Variants in SOX9 observed in about 807,000 individuals in gnomAD.
The protein encoded by SOX9 is SRY-box transcription factor 9.
A neutral mutation model predicts 44.8 loss-of-function variants in SOX9; 2 were observed. The observed-to-expected ratio is 0.04, with a 90% CI of 0.02 to 0.14. The LOEUF (loss-of-function observed/expected upper bound fraction) is 0.14. Among genes scored for constraint, SOX9 ranks in the 10% least tolerant of loss-of-function variants. SOX9 has a pLI of 1.00. For synonymous variants in SOX9, 381 were observed against 331.8 expected, an observed-to-expected ratio of 1.15 and a Z score of -1.61; for missense variants, 583 against 728.6, an observed-to-expected ratio of 0.80 and a Z score of 2.30.
Position 72,123,528 on chromosome 17 carries a change from T to C in SOX9, c.686-15T>C, listed in dbSNP as rs1439728896. 1 of 1,614,138 alleles carries C rather than the reference T, an allele frequency of 6.2e-7. No individual in the cohort carries two copies. Among genetic ancestry groups the C allele is most frequent in the Admixed American group, 1.7e-5 (1 of 60,028 alleles). On this transcript the variant is annotated splice_polypyrimidine_tract_variant and intron_variant, in intron 2 of 2. Transcript: ENST00000245479. The surrounding 1 kb of genome is among the most constrained non-coding windows in gnomAD (Gnocchi z 6.5). ...CTTGTTGATTTTCTCGTGCTTGTTC[T>C]TTTATTGTCCACAGGGCAATCCCAG...
chr17:72,125,508 T>G lies in SOX9; in HGVS notation c.*1121T>G, dbSNP rs1420080389. ...CTTCAAGACATTCCACTTGCTAAAA[T>G]TATTTATTTTGTAAGGAGAGGTTTT... is the stretch of plus-strand genomic sequence containing the variant. On this transcript the variant is annotated 3_prime_UTR_variant, in exon 3 of 3. Transcript: ENST00000245479. 4.4e-6 allele frequency: 1 copy of G among 228,800 alleles called. No homozygotes were observed. The highest frequency in any genetic ancestry group is 8.7e-6 in the Non-Finnish European group (1 of 115,492). 14.2% of individuals were successfully genotyped at this position (228,800 alleles called of 1,614,324 possible).
At position 72,122,856 on chromosome 17, in the gene SOX9, A is replaced by G. The variant is rs746150703; in HGVS notation, c.569A>G (p.Glu190Gly). The change falls in exon 2 of 3, where the codon GAG becomes GGG. Residue 190 changes from glutamate (E) to glycine (G), a missense_variant. Physicochemically the swap from Glu to Gly is moderately conservative, Grantham distance 98. Transcript: ENST00000245479. The part of the protein sequence containing the change: ...KSVKNGQAEA[E>G]EATEQTHISP... ...GTGAAGAACGGGCAGGCGGAGGCAGAGGAGGCCACGGAGCAGACGCACATC... is the reference window on the plus strand; with the variant it reads ...GTGAAGAACGGGCAGGCGGAGGCAGGGGAGGCCACGGAGCAGACGCACATC... 22 of 1,614,170 alleles carry G rather than the reference A, an allele frequency of 1.4e-5. No homozygotes were observed. Among genetic ancestry groups the G allele is most frequent in the Non-Finnish European group, 1.3e-5 (15 of 1,180,034 alleles).
Position 72,121,904 on chromosome 17 carries a change from G to C in SOX9, c.431+82G>C. On this transcript the variant is annotated intron_variant, in intron 1 of 2. Transcript: ENST00000245479. The surrounding 1 kb of genome is among the most constrained non-coding windows in gnomAD (Gnocchi z 8.3). ...GGTCAGGGCTGATTTGCCCCGCCCC[G>C]CCTCCCATCGCCCGGGAGTTGCCGT... 7.0e-7 allele frequency: 1 copy of C among 1,427,988 alleles called. No homozygotes were observed. The highest frequency in any genetic ancestry group is 9.2e-7 in the Non-Finnish European group (1 of 1,083,912). 88.5% of individuals were successfully genotyped at this position (1,427,988 alleles called of 1,614,324 possible). A position where few individuals can be genotyped will look rare whatever the true frequency, so the allele number is the denominator to read the frequency against.
chr17:72,125,800 T>C lies in SOX9; in HGVS notation c.*1413T>C, dbSNP rs959256111. On this transcript the variant is annotated 3_prime_UTR_variant, in exon 3 of 3. Coordinates refer to ENST00000245479, the MANE Select transcript of SOX9 (RefSeq NM_000346.4). ...TTTTGTTGAAAACAAACTGGAAACT[T>C]GTTTCTTTTTTTGTATAAATGAGAG... The C allele has an allele frequency of 4.3e-6, 1 of 230,184 alleles. No individual in the cohort carries two copies. Among genetic ancestry groups the C allele is most frequent in the African/African-American group, 2.2e-5 (1 of 45,144 alleles). 14.3% of individuals were successfully genotyped at this position (230,184 alleles called of 1,614,324 possible).
rs772647517 is a variant in SOX9 at position 72,124,098 on chromosome 17, C to T, written c.1241C>T (p.Ser414Leu). Residue 414 changes from serine (S) to leucine (L), a missense_variant, in exon 3 of 3, where the codon TCG becomes TTG. By Grantham distance (145) the Ser-to-Leu change is moderately radical. This residue lies in a region of SOX9 where 349 missense variants were observed against 387.0 expected (regional missense o/e 0.90). Transcript: ENST00000245479. This position sits in a 1 kb window ranked among gnomAD's most constrained non-coding sequence, Gnocchi z 4.6. ...PSHYSEQQQHSPQQIAYSPFN... is the reference protein window; with the variant it reads ...PSHYSEQQQHLPQQIAYSPFN... ...CACTACAGCGAGCAGCAGCAGCACT[C>T]GCCCCAACAGATCGCCTACAGCCCC... 2.5e-6 allele frequency: 4 copies of T among 1,613,786 alleles called. No individual in the cohort carries two copies. The highest frequency in any genetic ancestry group is 1.1e-5 in the South Asian group (1 of 91,068).
In SOX9 at chr17:72,123,707, T is replaced by G; in HGVS notation, c.850T>G (p.Ser284Ala). 6.2e-7 allele frequency: 1 copy of G among 1,613,842 alleles called. No individual in the cohort carries two copies. Among genetic ancestry groups the G allele is most frequent in the African/African-American group, 1.3e-5 (1 of 74,976 alleles). The part of the protein sequence containing the change: ...DIGELSSDVI[S>A]NIETFDVNEF... ...CGGCGAGCTGAGCAGCGACGTCATC[T>G]CCAACATCGAGACCTTCGATGTCAA... The change falls in exon 3 of 3, where the codon TCC becomes GCC. Residue 284 changes from serine (S) to alanine (A), a missense_variant. By Grantham distance (99) the Ser-to-Ala change is moderately conservative. This residue lies in a region of SOX9 where 349 missense variants were observed against 387.0 expected (regional missense o/e 0.90). Transcript: ENST00000245479. This position sits in a 1 kb window ranked among gnomAD's most constrained non-coding sequence, Gnocchi z 6.5.
In SOX9 at chr17:72,122,701, C is replaced by T. The variant is rs757002587; in HGVS notation, c.432-18C>T. ...CTCTCCCTCTTTTTCTCTGTGCCCC[C>T]CGCCCCGCCCCGAGCAGACTTCTGA... On this transcript the variant is annotated intron_variant, in intron 1 of 2. Coordinates refer to ENST00000245479, the MANE Select transcript of SOX9 (RefSeq NM_000346.4). 7.4e-6 allele frequency: 12 copies of T among 1,612,448 alleles called. No homozygotes were observed. The East Asian group carries it at 2.2e-4, about 30-fold the overall frequency.
Position 72,124,082 on chromosome 17 carries a change from G to GAGC in SOX9, c.1236_1238dup (p.Gln412dup), listed in dbSNP as rs1567911609. On this transcript the variant is annotated inframe_insertion, in exon 3 of 3. Coordinates refer to ENST00000245479, the MANE Select transcript of SOX9 (RefSeq NM_000346.4). This position sits in a 1 kb window ranked among gnomAD's most constrained non-coding sequence, Gnocchi z 4.6. ...GCAGCTGAGCCCCAGCCACTACAGC[G>GAGC]AGCAGCAGCAGCACTCGCCCCAACA... 2 of 1,613,418 alleles carry GAGC rather than the reference G, an allele frequency of 1.2e-6. No individual in the cohort carries two copies. The highest frequency in any genetic ancestry group is 1.3e-5 in the African/African-American group (1 of 74,898).
rs2143239356 is a variant in SOX9, at chr17:72,121,670, G to T, written c.279G>T (p.Val93=). 6.2e-7 allele frequency: 1 copy of T among 1,601,344 alleles called. No individual in the cohort carries two copies. Among genetic ancestry groups the T allele is most frequent in the Non-Finnish European group, 8.5e-7 (1 of 1,174,600 alleles). Residue 93 remains valine, a synonymous_variant, in exon 1 of 3, where the codon GTG becomes GTT. Transcript: ENST00000245479. This position sits in a 1 kb window ranked among gnomAD's most constrained non-coding sequence, Gnocchi z 8.3. ...GYDWTLVPMP[V]RVNGSSKNKP... ...ACTGGACGCTGGTGCCCATGCCGGT[G>T]CGCGTCAACGGCTCCAGCAAGAACA...
At position 72,123,045 on chromosome 17, in the gene SOX9, G is replaced by A. The variant is rs974586709; in HGVS notation, c.685+73G>A. On this transcript the variant is annotated intron_variant, in intron 2 of 2. Coordinates refer to ENST00000245479, the MANE Select transcript of SOX9 (RefSeq NM_000346.4). The surrounding 1 kb of genome is among the most constrained non-coding windows in gnomAD (Gnocchi z 6.5). ...GGCACACCCCCTGCCCTCCGCCTGGGAGATTCTTCGTGGGGACTTTATGCT... is the reference window on the plus strand; with the variant it reads ...GGCACACCCCCTGCCCTCCGCCTGGAAGATTCTTCGTGGGGACTTTATGCT... 8.3e-6 allele frequency: 13 copies of A among 1,574,674 alleles called. No individual in the cohort carries two copies. Among genetic ancestry groups the A allele is most frequent in the Non-Finnish European group, 2.6e-6 (3 of 1,157,622 alleles).
Position 72,123,026 on chromosome 17 carries a change from C to T in SOX9, c.685+54C>T, listed in dbSNP as rs2143247970. On this transcript the variant is annotated intron_variant, in intron 2 of 2. Transcript: ENST00000245479. The surrounding 1 kb of genome is among the most constrained non-coding windows in gnomAD (Gnocchi z 6.5). Reference sequence around the variant, plus strand: ...AGCTATCTCCGTCCCGCCTGGCACACCCCCTGCCCTCCGCCTGGGAGATTC... The same window carrying T: ...AGCTATCTCCGTCCCGCCTGGCACATCCCCTGCCCTCCGCCTGGGAGATTC... 6.3e-7 allele frequency: 1 copy of T among 1,596,554 alleles called. No homozygotes were observed. Among genetic ancestry groups the T allele is most frequent in the Non-Finnish European group, 8.5e-7 (1 of 1,173,164 alleles).
At position 72,122,910 on chromosome 17, in the gene SOX9, A is replaced by T. The variant is rs2143246831; in HGVS notation, c.623A>T (p.Gln208Leu). The change falls in exon 2 of 3, where the codon CAG (glutamine) becomes CTG (leucine). Residue 208 changes from glutamine to leucine, a missense_variant. Transcript: ENST00000245479. ...ISPNAIFKAL[Q>L]ADSPHSSSGM... ...CCCAACGCCATCTTCAAGGCGCTGC[A>T]GGCCGACTCGCCACACTCCTCCTCC... The T allele has an allele frequency of 6.2e-7, 1 of 1,614,126 alleles. No homozygotes were observed. The highest frequency in any genetic ancestry group is 8.5e-7 in the Non-Finnish European group (1 of 1,180,000).
At position 72,123,194 on chromosome 17, in the gene SOX9, G is replaced by A. The variant is rs1329417943; in HGVS notation, c.685+222G>A. ...CCAACTCAATCCCAGCATCCGAAGAGATTAACTTTTTTATTGGGAGGTAAA... is the reference window on the plus strand; with the variant it reads ...CCAACTCAATCCCAGCATCCGAAGAAATTAACTTTTTTATTGGGAGGTAAA... On this transcript the variant is annotated intron_variant, in intron 2 of 2. Coordinates refer to ENST00000245479, the MANE Select transcript of SOX9 (RefSeq NM_000346.4). This position sits in a 1 kb window ranked among gnomAD's most constrained non-coding sequence, Gnocchi z 6.5. Among the ~76,000 whole-genome samples the A allele has an allele frequency of 6.6e-6, 1 of 152,182 alleles. No individual in the cohort carries two copies. The highest frequency in any genetic ancestry group is 1.5e-5 in the Non-Finnish European group (1 of 68,028).
Position 72,124,517 on chromosome 17 carries a change from C to G in SOX9, c.*130C>G. On this transcript the variant is annotated 3_prime_UTR_variant, in exon 3 of 3. Coordinates refer to ENST00000245479, the MANE Select transcript of SOX9 (RefSeq NM_000346.4). This position sits in a 1 kb window ranked among gnomAD's most constrained non-coding sequence, Gnocchi z 4.6. The stretch of plus-strand genomic sequence containing the variant: ...TTTTTATTTTGTTTTGTTTTTTCTT[C>G]TTCTTCTTCTTCCTTAAAGACATTT... The G allele has an allele frequency of 8.7e-7, 1 of 1,150,128 alleles. No homozygotes were observed. The highest frequency in any genetic ancestry group is 1.3e-6 in the Non-Finnish European group (1 of 794,886). 71.2% of individuals were successfully genotyped at this position (1,150,128 alleles called of 1,614,324 possible).
In SOX9 at chr17:72,125,604, G is replaced by A. The variant is rs1016409707; in HGVS notation, c.*1217G>A. ...ACCTTCTTTAAAATAGGTTGTTGGA[G>A]CTTTCCTCAAAGGGTATGGTCATCT... On this transcript the variant is annotated 3_prime_UTR_variant, in exon 3 of 3. Coordinates refer to ENST00000245479, the MANE Select transcript of SOX9 (RefSeq NM_000346.4). 2.7e-5 allele frequency: 6 copies of A among 223,264 alleles called. No individual in the cohort carries two copies. Among genetic ancestry groups the A allele is most frequent in the Admixed American group, 1.2e-4 (2 of 17,128 alleles). 13.8% of individuals were successfully genotyped at this position (223,264 alleles called of 1,614,324 possible).
chr17:72,126,354 TTTTC>T lies in SOX9; in HGVS notation c.*1973_*1976del. 9.5e-6 allele frequency: 2 copies of T among 210,558 alleles called. No individual in the cohort carries two copies. Among genetic ancestry groups the T allele is most frequent in the Non-Finnish European group, 1.8e-5 (2 of 111,236 alleles). 13.0% of individuals were successfully genotyped at this position (210,558 alleles called of 1,614,324 possible). A position where few individuals can be genotyped will look rare whatever the true frequency, so the allele number is the denominator to read the frequency against. On this transcript the variant is annotated 3_prime_UTR_variant, in exon 3 of 3. Coordinates refer to ENST00000245479, the MANE Select transcript of SOX9 (RefSeq NM_000346.4). Reference sequence around the variant, plus strand: ...CTCTCCGTGAAACTTACCTTTCCCTTTTTCTTTCTCTTTTTTTTTTTTGTATATT... The same window carrying T: ...CTCTCCGTGAAACTTACCTTTCCCTTTTTCTCTTTTTTTTTTTTGTATATT...
Position 72,123,958 on chromosome 17 carries a change from A to G in SOX9, c.1101A>G (p.Pro367=), listed in dbSNP as rs1196697917. The G allele has an allele frequency of 1.9e-5, 28 of 1,450,390 alleles. No individual in the cohort carries two copies. Among genetic ancestry groups the G allele is most frequent in the Non-Finnish European group, 2.4e-5 (27 of 1,104,170 alleles). 89.8% of individuals were successfully genotyped at this position (1,450,390 alleles called of 1,614,324 possible). A position where few individuals can be genotyped will look rare whatever the true frequency, so the allele number is the denominator to read the frequency against. Reference sequence around the variant, plus strand: ...CCCCGCAGCCGCAGGCGGCGCCCCCACAGCAGCCGGCGGCACCCCCGCAGC... The same window carrying G: ...CCCCGCAGCCGCAGGCGGCGCCCCCGCAGCAGCCGGCGGCACCCCCGCAGC... ...QAPPQPQAAP[P]QQPAAPPQQP... Residue 367 remains proline (P), a synonymous_variant, in exon 3 of 3, where the codon CCA becomes CCG. Transcript: ENST00000245479. This position sits in a 1 kb window ranked among gnomAD's most constrained non-coding sequence, Gnocchi z 6.5.
rs766764961 is a variant in SOX9 at position 72,121,662 on chromosome 17, A to T, written c.271A>T (p.Met91Leu). Residue 91 changes from methionine (M) to leucine (L), a missense_variant, in exon 1 of 3, where the codon ATG becomes TTG. By Grantham distance (15) the Met-to-Leu change is conservative. Coordinates refer to ENST00000245479, the MANE Select transcript of SOX9 (RefSeq NM_000346.4). This position sits in a 1 kb window ranked among gnomAD's most constrained non-coding sequence, Gnocchi z 8.3. ...AGGCTACGACTGGACGCTGGTGCCC[A>T]TGCCGGTGCGCGTCAACGGCTCCAG... ...LKGYDWTLVPMPVRVNGSSKN... is the reference protein window; with the variant it reads ...LKGYDWTLVPLPVRVNGSSKN... The T allele has an allele frequency of 3.7e-6, 6 of 1,600,260 alleles. No individual in the cohort carries two copies. The highest frequency in any genetic ancestry group is 5.1e-6 in the Non-Finnish European group (6 of 1,173,974).
rs1410903036 is a variant in SOX9, at chr17:72,124,167, G to A, written c.1310G>A (p.Arg437His). The A allele has an allele frequency of 2.5e-6, 4 of 1,613,332 alleles. No homozygotes were observed. The highest frequency in any genetic ancestry group is 2.2e-5 in the East Asian group (1 of 44,872). ...HYSPSYPPIT[R>H]SQYDYTDHQN... ...AGCCCCTCCTACCCGCCCATCACCC[G>A]CTCACAGTACGACTACACCGACCAC... Residue 437 changes from arginine to histidine, a missense_variant, in exon 3 of 3, where the codon CGC becomes CAC. This residue lies in a region of SOX9 where 349 missense variants were observed against 387.0 expected (regional missense o/e 0.90). Transcript: ENST00000245479. The surrounding 1 kb of genome is among the most constrained non-coding windows in gnomAD (Gnocchi z 4.6).
Sources: allele counts gnomAD v4.1 joint callset (sites outside exome capture counted in the v4.1 genomes callset), GRCh38; gene constraint gnomAD v4.1.1; regional missense constraint gnomAD v4.1.1; non-coding constraint Gnocchi (gnomAD v3.1); transcripts MANE v1.5; gene names NCBI Gene and HGNC (gene_info 2026-07-23, HGNC 2026-07-21).